Variants in TRHDE observed in about 807,000 individuals in gnomAD.
The protein encoded by TRHDE is thyrotropin releasing hormone degrading enzyme.
A neutral mutation model predicts 125.7 loss-of-function variants in TRHDE; 72 were observed. The ratio of observed to expected loss-of-function variants is 0.57; its 90% CI spans 0.47 to 0.70. The LOEUF (loss-of-function observed/expected upper bound fraction) is 0.70, where lower values mean the gene tolerates loss of function less well. Among genes scored for constraint, TRHDE ranks in the 30% least tolerant of loss-of-function variants. The probability of loss-of-function intolerance (pLI) is 0.00; values close to 1 mark genes in which losing one functional copy is unlikely to be tolerated. For synonymous variants in TRHDE, 509 were observed against 509.1 expected, an observed-to-expected ratio of 1.00 and a Z score of 0.00; for missense variants, 1,110 against 1,327.1, an observed-to-expected ratio of 0.84 and a Z score of 2.54.
At chr12:72,344,034 A>G (rs75113087) in intron 2 of TRHDE, among the ~76,000 whole-genome samples, 6,596 of 152,034 alleles carry the variant, frequency 0.043, 208 homozygotes, top group Non-Finnish European at 0.069. Flanking sequence ...GCTTTTCAGG[A>G]CAAGATTTCA....
At chr12:72,549,601 ATAATGTTATCATTACTAATTTT>A (rs1869580044) in intron 7 of TRHDE, among the ~76,000 whole-genome samples, 1 of 151,714 alleles carries the variant, frequency 6.6e-6, no homozygotes, top group African/African-American at 2.4e-5. Flanking sequence ...TCATATGATA[ATAATGTTATCATTACTAATTTT>A]TTAATTATTG....
chr12:72,130,228 G>A (rs955240896), intron 2 of TRHDE, among the ~76,000 whole-genome samples: 5 of 152,132 alleles, frequency 3.3e-5, no homozygotes, highest in Admixed American at 1.3e-4. Flanking sequence ...GCTTGAACCC[G>A]GGAGGCGGAG....
chr12:72,173,495 A>G (rs552571955), intron 2 of TRHDE, among the ~76,000 whole-genome samples: 59 of 152,140 alleles, frequency 3.9e-4, no homozygotes, highest in Admixed American at 8.5e-4. Context: ...AACATAGGAC[A>G]CTCTTGAAAT....
chr12:72,362,447 T>C (rs1197842069), intron 2 of TRHDE, among the ~76,000 whole-genome samples: 22 of 152,128 alleles, frequency 1.4e-4, no homozygotes, highest in South Asian at 1.0e-3. Context: ...GAGTTCATTG[T>C]AGATTCTGGA....
At chr12:72,350,889 A>G (rs12313587) in intron 2 of TRHDE, among the ~76,000 whole-genome samples, 8,804 of 152,064 alleles carry the variant, frequency 0.058, 481 homozygotes, top group African/African-American at 0.13. Context: ...TTACTCTGAA[A>G]GACAGGCTCA....
intron 10 of TRHDE, among the ~76,000 whole-genome samples, chr12:72,570,832 A>C (rs966177406): frequency 2.0e-5 from 3 of 152,192 alleles, no homozygotes; most frequent in African/African-American, 7.2e-5. Context: ...GGTGATATGA[A>C]TGGCACAGGC....
chr12:72,667,430 A>G lies in TRHDE; in HGVS notation c.*4235A>G, dbSNP rs956395777. On this transcript the variant is annotated 3_prime_UTR_variant, in exon 19 of 19. Coordinates refer to ENST00000261180, the MANE Select transcript of TRHDE (RefSeq NM_013381.3). ...ACATAAGAATATATATTGTATAGAT[A>G]CAATATATAACTATACTTAAAGAAA... The G allele has an allele frequency of 6.6e-6, 1 of 151,754 alleles. No homozygotes were observed. The highest frequency in any genetic ancestry group is 1.5e-5 in the Non-Finnish European group (1 of 67,808). The allele number at this position is 151,754 out of a possible 1,614,324, so 9.4% of individuals were successfully genotyped here. A position where few individuals can be genotyped will look rare whatever the true frequency, so the allele number is the denominator to read the frequency against.
intron 5 of TRHDE, among the ~76,000 whole-genome samples, chr12:72,488,338 C>T (rs1005627122): frequency 6.6e-6 from 1 of 151,826 alleles, no homozygotes; most frequent in Non-Finnish European, 1.5e-5. Context: ...TAAATTGTAA[C>T]CAAAAGAAAG....
At chr12:72,531,247 C>T (rs1284716370) in intron 6 of TRHDE, among the ~76,000 whole-genome samples, 1 of 151,806 alleles carries the variant, frequency 6.6e-6, no homozygotes, top group African/African-American at 2.4e-5. Context: ...TATTTATTGC[C>T]GTTTGGGTTG....
At chr12:72,353,032 A>G (rs1870654537) in intron 2 of TRHDE, among the ~76,000 whole-genome samples, 1 of 151,454 alleles carries the variant, frequency 6.6e-6, no homozygotes, top group South Asian at 2.1e-4. Context: ...CCATGAATAC[A>G]ATTGTTTAAT....
intron 2 of TRHDE, among the ~76,000 whole-genome samples, chr12:72,359,068 G>A (rs1208141464): frequency 6.6e-6 from 1 of 151,376 alleles, no homozygotes; most frequent in Non-Finnish European, 1.5e-5. Context: ...CAAAACAAGA[G>A]AGTTTCCTAA....
At chr12:72,628,204 G>A (rs765098741) in intron 15 of TRHDE, among the ~76,000 whole-genome samples, 3 of 151,808 alleles carry the variant, frequency 2.0e-5, no homozygotes, top group Non-Finnish European at 2.9e-5. Flanking sequence ...GACGTCAGAT[G>A]TAATACAAAT....
intron 3 of TRHDE, among the ~76,000 whole-genome samples, chr12:72,380,841 C>T: frequency 6.7e-6 from 1 of 148,212 alleles, no homozygotes; most frequent in Non-Finnish European, 1.5e-5. Context: ...CTCCCTCCCT[C>T]CCTCCTTCTC....
intron 17 of TRHDE, 86 bp downstream of exon 17, chr12:72,653,242 T>A: frequency 9.0e-7 from 1 of 1,113,114 alleles, no homozygotes; most frequent in Non-Finnish European, 1.3e-6. Context: ...AAAGCTAAGA[T>A]CCATGCAATA....
intron 2 of TRHDE, among the ~76,000 whole-genome samples, chr12:72,176,230 G>A (rs2139338468): frequency 6.6e-6 from 1 of 152,316 alleles, no homozygotes; most frequent in Middle Eastern, 3.4e-3. Context: ...AATTAGCTGG[G>A]TGTGGTGGTG....
intron 3 of TRHDE, among the ~76,000 whole-genome samples, chr12:72,436,878 A>T (rs1043476591): frequency 6.6e-6 from 1 of 151,890 alleles, no homozygotes; most frequent in Non-Finnish European, 1.5e-5. Flanking sequence ...ATCCTAGAAC[A>T]TTACAGCAAA....
In TRHDE at chr12:72,563,059, C is replaced by G; in HGVS notation, c.2042+19C>G. On this transcript the variant is annotated intron_variant, in intron 9 of 18. Transcript: ENST00000261180. Reference sequence around the variant, plus strand: ...ATAACAGGTATGACATTCTTTTTTACGTGAAAAATATTGTTTTTATTCTTA... The same window carrying G: ...ATAACAGGTATGACATTCTTTTTTAGGTGAAAAATATTGTTTTTATTCTTA... The G allele has an allele frequency of 6.6e-7, 1 of 1,511,642 alleles. No homozygotes were observed. Among genetic ancestry groups the G allele is most frequent in the Non-Finnish European group, 9.0e-7 (1 of 1,116,964 alleles). 93.6% of individuals were successfully genotyped at this position (1,511,642 alleles called of 1,614,324 possible). A position where few individuals can be genotyped will look rare whatever the true frequency, so the allele number is the denominator to read the frequency against.
At chr12:72,486,195 G>A (rs1877399660) in intron 5 of TRHDE, among the ~76,000 whole-genome samples, 1 of 152,188 alleles carries the variant, frequency 6.6e-6, no homozygotes, top group Non-Finnish European at 1.5e-5. Flanking sequence ...TTGCTGGGAT[G>A]TACCTCAGAG....
intron 2 of TRHDE, among the ~76,000 whole-genome samples, chr12:72,108,727 A>G (rs978371513): frequency 1.3e-5 from 2 of 151,684 alleles, no homozygotes; most frequent in Non-Finnish European, 2.9e-5. Context: ...TCGCCCCTGA[A>G]ATGGTTGAAA....
Sources: allele counts gnomAD v4.1 joint callset (sites outside exome capture counted in the v4.1 genomes callset), GRCh38; gene constraint gnomAD v4.1.1; transcripts MANE v1.5; gene names NCBI Gene and HGNC (gene_info 2026-07-23, HGNC 2026-07-21).